Variants in ERN1 observed in about 807,000 individuals in gnomAD.
ERN1 encodes endoplasmic reticulum to nucleus signaling 1.
In ERN1, 39 loss-of-function variants were observed where a neutral mutation model predicts 113.1. The ratio of observed to expected loss-of-function variants is 0.34; its 90% CI spans 0.27 to 0.45. The LOEUF (loss-of-function observed/expected upper bound fraction) is 0.45, where lower values mean the gene tolerates loss of function less well. Among genes scored for constraint, ERN1 ranks in the 20% least tolerant of loss-of-function variants. The pLI is 1.00. For synonymous variants in ERN1, 507 were observed against 515.9 expected (o/e 0.98, Z 0.23); for missense variants, 976 against 1,274.8 (o/e 0.77, Z 3.57).
intron 1 of ERN1, among the ~76,000 whole-genome samples, chr17:64,125,139 T>G (rs1427728217): frequency 1.3e-5 from 2 of 152,214 alleles, no homozygotes; most frequent in African/African-American, 4.8e-5. Flanking sequence ...GTGAATTATA[T>G]CTCAATAAAA....
At chr17:64,078,273 A>C (rs1404406297) in intron 4 of ERN1, among the ~76,000 whole-genome samples, 1 of 152,232 alleles carries the variant, frequency 6.6e-6, no homozygotes, top group East Asian at 1.9e-4. Flanking sequence ...TTTCCAAATG[A>C]CTAATAAAAT....
rs754653904 is a variant in ERN1 at position 64,068,194 on chromosome 17, G to C, written c.576C>G (p.Asp192Glu). ...YAASLPEDDV[D>E]YKMSHFVSNG... ...AATCCAGCAGAGAGCACTTACTGTA[G>C]TCCACGTCGTCCTCAGGCAGTGAGG... Residue 192 changes from aspartate to glutamate, a missense_variant, in exon 7 of 22, where the codon GAC (aspartate) becomes GAG (glutamate). This residue lies in a region of ERN1 where 459 missense variants were observed against 581.2 expected (regional missense o/e 0.79). Coordinates refer to ENST00000433197, the MANE Select transcript of ERN1 (RefSeq NM_001433.5). The C allele has an allele frequency of 6.2e-7, 1 of 1,605,346 alleles. No homozygotes were observed. Among genetic ancestry groups the C allele is most frequent in the Non-Finnish European group, 8.5e-7 (1 of 1,175,568 alleles).
chr17:64,049,604 G>A lies in ERN1; in HGVS notation c.2254-402C>T, dbSNP rs368093613. 6.6e-6 allele frequency among the ~76,000 whole-genome samples: 1 copy of A among 152,278 alleles called. No homozygotes were observed. Among genetic ancestry groups the A allele is most frequent in the East Asian group, 1.9e-4 (1 of 5,178 alleles). ...TGCTCACAGACAGGGTCTCTGTGTC[G>A]TTGCTTCCCTGCTGTACCCCCAGGG... is the stretch of plus-strand genomic sequence containing the variant. On this transcript the variant is annotated intron_variant, in intron 17 of 21. Coordinates refer to ENST00000433197, the MANE Select transcript of ERN1 (RefSeq NM_001433.5). The surrounding 1 kb of genome is among the most constrained non-coding windows in gnomAD (Gnocchi z 4.7).
At chr17:64,051,747 T>TAAAACCCAGTAGGTATC (rs529863864) in intron 17 of ERN1, among the ~76,000 whole-genome samples, 1 of 152,210 alleles carries the variant, frequency 6.6e-6, no homozygotes, top group Non-Finnish European at 1.5e-5. Flanking sequence ...TCCTGGTATA[T>TAAAACCCAGTAGGTATC]AAAACCCAGT....
At position 64,098,111 on chromosome 17, in the gene ERN1, T is replaced by C. The variant is rs1001782802; in HGVS notation, c.175+10A>G. The C allele has an allele frequency of 6.2e-7, 1 of 1,613,852 alleles. No homozygotes were observed. The highest frequency in any genetic ancestry group is 1.3e-5 in the African/African-American group (1 of 75,024). ...ATGTCCATGTCGCCCAAGGACCAAA[T>C]CCAAATTACCTTCTTTTAAAGTCCA... is the stretch of plus-strand genomic sequence containing the variant. On this transcript the variant is annotated intron_variant, in intron 2 of 21. Transcript: ENST00000433197.
At chr17:64,053,942 G>T in intron 15 of ERN1, 1 of 280,864 alleles carries the variant, frequency 3.6e-6, no homozygotes, top group Non-Finnish European at 6.8e-6. Context: ...ACAATTCACT[G>T]TAACTTTTTT....
chr17:64,044,267 C>A lies in ERN1; in HGVS notation c.2722-67G>T. On this transcript the variant is annotated intron_variant, in intron 21 of 21. Transcript: ENST00000433197. This position sits in a 1 kb window ranked among gnomAD's most constrained non-coding sequence, Gnocchi z 4.1. The stretch of plus-strand genomic sequence containing the variant: ...GAAAGCTCGGGAAATGTTGGCAAAA[C>A]ACCCTTTCATCATGCAAGGAAGAGA... 1 of 1,150,590 alleles carries A rather than the reference C, an allele frequency of 8.7e-7. No individual in the cohort carries two copies. The highest frequency in any genetic ancestry group is 1.8e-5 in the South Asian group (1 of 56,940). 71.3% of individuals were successfully genotyped at this position (1,150,590 alleles called of 1,614,324 possible).
intron 11 of ERN1, 139 bp from the exon 12 acceptor site, chr17:64,058,132 A>T (rs1328508786): frequency 2.9e-6 from 2 of 678,234 alleles, no homozygotes; most frequent in African/African-American, 1.9e-5. Context: ...AGCTCACCAA[A>T]GATCATGTAG....
chr17:64,110,452 GC>G (rs1290220795), intron 1 of ERN1, among the ~76,000 whole-genome samples: 3 of 152,090 alleles, frequency 2.0e-5, no homozygotes, highest in Non-Finnish European at 2.9e-5. Flanking sequence ...CTCCTGAACA[GC>G]CCAGTTCTAA....
At chr17:64,095,369 C>A (rs924074047) in intron 2 of ERN1, among the ~76,000 whole-genome samples, 5 of 152,152 alleles carry the variant, frequency 3.3e-5, no homozygotes, top group African/African-American at 1.2e-4. Flanking sequence ...GCAAAGGTTT[C>A]AGTGAGCCAA....
Position 64,039,860 on chromosome 17 carries a change from A to C in ERN1, c.*4128T>G, listed in dbSNP as rs1244338361. 6.6e-6 allele frequency: 1 copy of C among 151,998 alleles called. No homozygotes were observed. Among genetic ancestry groups the C allele is most frequent in the East Asian group, 1.9e-4 (1 of 5,146 alleles). 9.4% of individuals were successfully genotyped at this position (151,998 alleles called of 1,614,324 possible). ...CCAAAGTGTTGGTTAAGGCTGCTCC[A>C]GTGGGAGGCTCACTGCAGTCACGTT... is the stretch of plus-strand genomic sequence containing the variant. On this transcript the variant is annotated 3_prime_UTR_variant, in exon 22 of 22. Coordinates refer to ENST00000433197, the MANE Select transcript of ERN1 (RefSeq NM_001433.5).
intron 10 of ERN1, among the ~76,000 whole-genome samples, chr17:64,061,847 T>C (rs1360154626): frequency 1.3e-5 from 2 of 152,222 alleles, no homozygotes; most frequent in Non-Finnish European, 2.9e-5. Flanking sequence ...TGTGCAGCAG[T>C]GTCCTGCCCT....
At chr17:64,060,096 C>T (rs190964117) in intron 11 of ERN1, among the ~76,000 whole-genome samples, 18 of 152,164 alleles carry the variant, frequency 1.2e-4, no homozygotes, top group African/African-American at 2.4e-4. Context: ...TTAGTAGCCT[C>T]GGGTCTGGCC....
In ERN1 at chr17:64,044,969, A is replaced by G; in HGVS notation, c.2654-42T>C. The G allele has an allele frequency of 7.3e-7, 1 of 1,368,256 alleles. No individual in the cohort carries two copies. The highest frequency in any genetic ancestry group is 1.2e-5 in the South Asian group (1 of 80,518). 84.8% of individuals were successfully genotyped at this position (1,368,256 alleles called of 1,614,324 possible). On this transcript the variant is annotated intron_variant, in intron 20 of 21. Coordinates refer to ENST00000433197, the MANE Select transcript of ERN1 (RefSeq NM_001433.5). The surrounding 1 kb of genome is among the most constrained non-coding windows in gnomAD (Gnocchi z 4.1). ...GGAAGCAATGGGTAATCAAATTTAA[A>G]ACTAATACATTTTAAAAGAAAACAA...
chr17:64,053,422 C>T, intron 15 of ERN1, 51 bp from the exon 16 acceptor site: 2 of 1,297,286 alleles, frequency 1.5e-6, no homozygotes. Context: ...CAGGACTTGG[C>T]CCCTCGGCTC....
chr17:64,080,192 G>A (rs1913723781), intron 3 of ERN1, among the ~76,000 whole-genome samples: 1 of 152,196 alleles, frequency 6.6e-6, no homozygotes, highest in African/African-American at 2.4e-5. Context: ...TTTAACTGGA[G>A]GCAATAAAAG....
intron 2 of ERN1, among the ~76,000 whole-genome samples, chr17:64,090,784 G>C (rs1047518751): frequency 3.9e-5 from 6 of 152,154 alleles, no homozygotes; most frequent in African/African-American, 1.4e-4. Flanking sequence ...AAGTGAGTGG[G>C]GGTGCAGGTG....
Position 64,045,923 on chromosome 17 carries a change from C to T in ERN1, c.2530-441G>A, listed in dbSNP as rs1167387105. 3.3e-5 allele frequency among the ~76,000 whole-genome samples: 5 copies of T among 152,192 alleles called. No individual in the cohort carries two copies. In the South Asian group the frequency reaches 8.3e-4, roughly 25 times the overall value. On this transcript the variant is annotated intron_variant, in intron 19 of 21. Transcript: ENST00000433197. ...TAACTGGTGGAGGGTCGCCACTCTTCCCTCCACCAGTAGAAAAGACCTGTG... is the reference window on the plus strand; with the variant it reads ...TAACTGGTGGAGGGTCGCCACTCTTTCCTCCACCAGTAGAAAAGACCTGTG...
At chr17:64,098,264 C>T (rs1200686928) in intron 1 of ERN1, 23 bp from the exon 2 acceptor site, 1 of 1,613,698 alleles carries the variant, frequency 6.2e-7, no homozygotes, top group South Asian at 1.1e-5. Flanking sequence ...GTAGAAGACT[C>T]TTAATGTTGA....
Sources: allele counts gnomAD v4.1 joint callset (sites outside exome capture counted in the v4.1 genomes callset), GRCh38; gene constraint gnomAD v4.1.1; regional missense constraint gnomAD v4.1.1; non-coding constraint Gnocchi (gnomAD v3.1); transcripts MANE v1.5; gene names NCBI Gene and HGNC (gene_info 2026-07-23, HGNC 2026-07-21).